GALNT17: variants seen among roughly 807,000 people sequenced by gnomAD.
The protein encoded by GALNT17 is UDP-GalNAc:polypeptide N-acetylgalactosaminyltransferase-like 3.
In GALNT17, 29 loss-of-function variants were observed where a neutral mutation model predicts 63.7. The ratio of observed to expected loss-of-function variants is 0.46; its 90% CI spans 0.34 to 0.62. The LOEUF (loss-of-function observed/expected upper bound fraction) is 0.62, where lower values mean the gene tolerates loss of function less well. GALNT17 is among the 20% of genes least tolerant of loss of function. GALNT17 has a pLI of 0.01. For synonymous variants in GALNT17, 305 were observed against 318.3 expected (o/e 0.96, Z 0.45); for missense variants, 603 against 799.6 (o/e 0.75, Z 2.97).
intron 6 of GALNT17, among the ~76,000 whole-genome samples, chr7:71,580,399 T>TAGATA (rs1355316724): frequency 5.5e-4 from 81 of 147,588 alleles, no homozygotes; most frequent in East Asian, 1.0e-3. Context: ...GATAGATGGA[T>TAGATA]GATAGATAGA....
Position 71,246,184 on chromosome 7 carries a change from C to T in GALNT17, c.239-89366C>T, listed in dbSNP as rs181069207. Among the ~76,000 whole-genome samples the T allele has an allele frequency of 3.2e-3, 446 of 139,156 alleles. 2 individuals are homozygous for T. The highest frequency in any genetic ancestry group is 0.011 in the African/African-American group (416 of 36,368). The allele number at this position is 139,156 out of a possible 152,430, so 91.3% of individuals were successfully genotyped here. A position where few individuals can be genotyped will look rare whatever the true frequency, so the allele number is the denominator to read the frequency against. On this transcript the variant is annotated intron_variant, in intron 1 of 10. Transcript: ENST00000333538. ...TCACTTAGGCTGGAGTGCAATGGCG[C>T]GATCTCTGCTCACTGCAACCTCCAC...
At chr7:71,654,701 G>T (rs572540989) in intron 6 of GALNT17, among the ~76,000 whole-genome samples, 1 of 125,614 alleles carries the variant, frequency 8.0e-6, no homozygotes, top group Non-Finnish European at 1.8e-5. Context: ...TTAACTTCAG[G>T]TATCTATGTG....
At chr7:71,251,455 G>C (rs1790195912) in intron 1 of GALNT17, among the ~76,000 whole-genome samples, 1 of 152,128 alleles carries the variant, frequency 6.6e-6, no homozygotes, top group South Asian at 2.1e-4. Context: ...TGTTGCCCAG[G>C]CTGGAGTGCA....
chr7:71,675,150 T>C (rs627324), intron 8 of GALNT17, among the ~76,000 whole-genome samples: 145,768 of 152,178 alleles, frequency 0.96, 70,067 homozygotes, highest in Non-Finnish European at 1. Context: ...CGCCACTGCA[T>C]TCCAGCCTGG....
intron 2 of GALNT17, among the ~76,000 whole-genome samples, chr7:71,361,522 A>G (rs1297765605): frequency 6.6e-6 from 1 of 152,204 alleles, no homozygotes; most frequent in Non-Finnish European, 1.5e-5. Flanking sequence ...TATTTACTAT[A>G]TAGTAGACAC....
At chr7:71,245,848 G>GTTTTTTTTTTTTTTTTTTTTTTTTTTTTT (rs542136452) in intron 1 of GALNT17, among the ~76,000 whole-genome samples, 17 of 122,876 alleles carry the variant, frequency 1.4e-4, no homozygotes, top group South Asian at 2.7e-4. Context: ...AAGAGAGCAG[G>GTTTTTTTTTTTTTTTTTTTTTTTTTTTTT]TTTTTTTTTT....
chr7:71,624,448 G>C (rs1790341593), intron 6 of GALNT17, among the ~76,000 whole-genome samples: 3 of 152,290 alleles, frequency 2.0e-5, no homozygotes, highest in Middle Eastern at 3.4e-3. Context: ...TTCTGTTAGG[G>C]CCCAAGGGAA....
At chr7:71,161,083 C>T (rs1222366249) in intron 1 of GALNT17, among the ~76,000 whole-genome samples, 1 of 152,114 alleles carries the variant, frequency 6.6e-6, no homozygotes, top group African/African-American at 2.4e-5. Flanking sequence ...TCAAGTGCTC[C>T]CCAAGCATTG....
chr7:71,626,456 A>G (rs867513246), intron 6 of GALNT17, among the ~76,000 whole-genome samples: 2 of 152,216 alleles, frequency 1.3e-5, no homozygotes, highest in African/African-American at 4.8e-5. Context: ...TGGCAGCCCT[A>G]GCAGACTATA....
At chr7:71,636,339 A>G (rs1790528533) in intron 6 of GALNT17, among the ~76,000 whole-genome samples, 1 of 152,152 alleles carries the variant, frequency 6.6e-6, no homozygotes, top group Admixed American at 6.5e-5. Context: ...TCTGGGGAAG[A>G]TGGTGGACTT....
intron 1 of GALNT17, among the ~76,000 whole-genome samples, chr7:71,221,264 C>T (rs1441959436): frequency 1.3e-5 from 2 of 152,054 alleles, no homozygotes; most frequent in African/African-American, 2.4e-5. Context: ...GACAGGATCT[C>T]CTTTTTCATG....
chr7:71,281,014 A>G (rs1458903594), intron 1 of GALNT17, among the ~76,000 whole-genome samples: 1 of 152,232 alleles, frequency 6.6e-6, no homozygotes, highest in East Asian at 1.9e-4. Context: ...TGGTCTCTCC[A>G]GGAGACTAGA....
chr7:71,276,947 G>A (rs1333802741), intron 1 of GALNT17, among the ~76,000 whole-genome samples: 3 of 152,104 alleles, frequency 2.0e-5, no homozygotes, highest in African/African-American at 4.8e-5. Context: ...GCAGTGAGCC[G>A]AGATTGTGCC....
intron 1 of GALNT17, among the ~76,000 whole-genome samples, chr7:71,270,241 G>A (rs993105961): frequency 1.3e-5 from 2 of 151,924 alleles, no homozygotes; most frequent in Non-Finnish European, 2.9e-5. Context: ...AGTCCCTGGG[G>A]TATCTCACTC....
chr7:71,304,940 T>G (rs1303050697), intron 1 of GALNT17, among the ~76,000 whole-genome samples: 2 of 152,134 alleles, frequency 1.3e-5, no homozygotes, highest in Non-Finnish European at 2.9e-5. Context: ...ACATAGGGTT[T>G]CACCATGTTG....
intron 6 of GALNT17, among the ~76,000 whole-genome samples, chr7:71,616,828 TTATA>T (rs1790212398): frequency 2.1e-5 from 2 of 93,500 alleles, no homozygotes; most frequent in Non-Finnish European, 4.5e-5. Flanking sequence ...TATAATCATA[TTATA>T]TATTATAATT....
rs185341435 is a variant in GALNT17 at position 71,237,264 on chromosome 7, T to C, written c.239-98286T>C. The stretch of plus-strand genomic sequence containing the variant: ...GGAGTAGCTGACATTTGTTGACTGT[T>C]TACTGTAGGTGTGAACTTTATATGC... On this transcript the variant is annotated intron_variant, in intron 1 of 10. Coordinates refer to ENST00000333538, the MANE Select transcript of GALNT17 (RefSeq NM_022479.3). Among the ~76,000 whole-genome samples, 14 of 151,750 alleles carry C rather than the reference T, an allele frequency of 9.2e-5. No homozygotes were observed. In the East Asian group the frequency reaches 2.7e-3, roughly 29 times the overall value.
chr7:71,675,671 A>G (rs1791139157), intron 8 of GALNT17, among the ~76,000 whole-genome samples: 1 of 152,092 alleles, frequency 6.6e-6, no homozygotes, highest in Admixed American at 6.6e-5. Context: ...GTCTGAGCCT[A>G]AACACAATTT....
intron 1 of GALNT17, among the ~76,000 whole-genome samples, chr7:71,313,145 A>G (rs1239364549): frequency 5.9e-5 from 9 of 152,176 alleles, no homozygotes; most frequent in African/African-American, 1.4e-4. Context: ...AGTCCACCCT[A>G]TAGAGAAACC....
Sources: gnomAD v4.1 joint callset for allele counts (sites outside exome capture counted in the v4.1 genomes callset) on GRCh38, gnomAD v4.1.1 for gene constraint, MANE v1.5 for transcripts, NCBI Gene and HGNC (gene_info 2026-07-23, HGNC 2026-07-21) for gene names.